Variants in DENND2B observed in about 807,000 individuals in gnomAD.
The protein encoded by DENND2B is DENN domain containing 2B, also known as DENN domain-containing protein 2B.
Under a neutral mutation model 116.0 loss-of-function variants are expected in DENND2B, and 32 were observed. That is an observed-to-expected ratio of 0.28 (90% CI 0.21 to 0.37). The LOEUF (loss-of-function observed/expected upper bound fraction) is 0.37, where lower values mean the gene tolerates loss of function less well. Among genes scored for constraint, DENND2B ranks in the 10% least tolerant of loss-of-function variants. The pLI is 1.00. For synonymous variants in DENND2B, 588 were observed against 583.9 expected, an observed-to-expected ratio of 1.01 and a Z score of -0.10; for missense variants, 1,276 against 1,477.7, an observed-to-expected ratio of 0.86 and a Z score of 2.24.
intron 1 of DENND2B, among the ~76,000 whole-genome samples, chr11:8,897,760 G>A (rs1161165400): frequency 1.3e-5 from 2 of 152,036 alleles, no homozygotes; most frequent in African/African-American, 4.8e-5. Flanking sequence ...AATAAAATTG[G>A]GGCAGACTTG....
chr11:8,698,732 A>G (rs2040915497), intron 16 of DENND2B, among the ~76,000 whole-genome samples: 1 of 152,198 alleles, frequency 6.6e-6, no homozygotes, highest in African/African-American at 2.4e-5. Flanking sequence ...ACTGCCTTCT[A>G]GAAGCTCATG....
rs1032988634 is a variant in DENND2B, at chr11:8,851,662, C to A, written c.-156+5681G>T. Among the ~76,000 whole-genome samples the A allele has an allele frequency of 6.6e-5, 10 of 152,178 alleles. No individual in the cohort carries two copies. In the East Asian group the frequency reaches 1.5e-3, roughly 23 times the overall value. ...AGGAATCCCCAAAATAATCAAGGAA[C>A]TGCACTAAAATATGGGTATAAGGAT... On this transcript the variant is annotated intron_variant, in intron 3 of 6. Coordinates refer to the DENND2B transcript ENST00000524757.
intron 14 of DENND2B, among the ~76,000 whole-genome samples, chr11:8,701,265 C>G (rs1027824729): frequency 1.3e-5 from 2 of 149,890 alleles, no homozygotes; most frequent in African/African-American, 2.5e-5. Flanking sequence ...GCATGGCTGC[C>G]CCGCATATTC....
chr11:8,762,746 A>T (rs537898259), intron 1 of DENND2B, among the ~76,000 whole-genome samples: 28 of 152,146 alleles, frequency 1.8e-4, no homozygotes, highest in African/African-American at 4.3e-4. Context: ...TGTAATCCTA[A>T]CTACTCGGGA....
At chr11:8,900,430 CAA>C (rs3047629) in intron 1 of DENND2B, among the ~76,000 whole-genome samples, 42,459 of 114,502 alleles carry the variant, frequency 0.37, 7,672 homozygotes, top group South Asian at 0.57. Flanking sequence ...GACTCCATCT[CAA>C]AAAAAAAAAA....
chr11:8,718,274 A>G (rs56797102), intron 4 of DENND2B: 55,762 of 1,231,602 alleles, frequency 0.045, 2,281 homozygotes, highest in East Asian at 0.19. Context: ...CACCCCAGAG[A>G]TAACACAGTT....
intron 4 of DENND2B, among the ~76,000 whole-genome samples, chr11:8,824,978 C>T (rs2061922361): frequency 6.6e-6 from 1 of 151,874 alleles, no homozygotes. Flanking sequence ...GAATTACAGG[C>T]ATGAGCCACT....
intron 4 of DENND2B, chr11:8,718,935 T>C (rs2045627352): frequency 1.0e-6 from 1 of 987,476 alleles, no homozygotes; most frequent in Non-Finnish European, 1.2e-6. Flanking sequence ...ATCCGTGGGG[T>C]GAACAGGTCC....
At chr11:8,761,604 G>GT (rs2054640623) in intron 1 of DENND2B, among the ~76,000 whole-genome samples, 1 of 152,020 alleles carries the variant, frequency 6.6e-6, no homozygotes, top group South Asian at 2.1e-4. Context: ...AGTGTCCCTT[G>GT]CCCCCCATTC....
intron 3 of DENND2B, among the ~76,000 whole-genome samples, chr11:8,852,826 T>C (rs2063057133): frequency 6.6e-6 from 1 of 152,180 alleles, no homozygotes; most frequent in Non-Finnish European, 1.5e-5. Context: ...AGCTGCATTC[T>C]GGCAAAAGAG....
intron 3 of DENND2B, among the ~76,000 whole-genome samples, chr11:8,726,624 A>T (rs1350508294): frequency 1.3e-5 from 2 of 152,212 alleles, no homozygotes; most frequent in Non-Finnish European, 2.9e-5. Context: ...TGAGCTCTTA[A>T]CTATAATTTT....
intron 3 of DENND2B, among the ~76,000 whole-genome samples, chr11:8,839,777 G>C (rs1337512077): frequency 3.3e-5 from 5 of 152,176 alleles, no homozygotes; most frequent in African/African-American, 4.8e-5. Context: ...CAACACCTCA[G>C]CTCAAGAAGC....
At chr11:8,894,187 C>T (rs1288533848) in intron 1 of DENND2B, among the ~76,000 whole-genome samples, 1 of 152,138 alleles carries the variant, frequency 6.6e-6, no homozygotes, top group Non-Finnish European at 1.5e-5. Flanking sequence ...GGAAAACTTG[C>T]TAGCCATATG....
chr11:8,721,324 T>C (rs992026221), intron 4 of DENND2B, among the ~76,000 whole-genome samples: 1 of 150,900 alleles, frequency 6.6e-6, no homozygotes, highest in Admixed American at 6.6e-5. Context: ...CTCCTCCCCA[T>C]AACTCCTTTG....
chr11:8,743,129 T>A (rs1202600861), intron 2 of DENND2B, among the ~76,000 whole-genome samples: 1 of 152,172 alleles, frequency 6.6e-6, no homozygotes, highest in African/African-American at 2.4e-5. Context: ...TATGTGTGTG[T>A]GTGTGAGTGT....
At chr11:8,699,457 T>G in intron 14 of DENND2B, 67 bp from the exon 15 acceptor site, 2 of 1,480,856 alleles carry the variant, frequency 1.4e-6, no homozygotes, top group Non-Finnish European at 1.8e-6. Context: ...CGCTGGAGGC[T>G]CAGGACAGCC....
At chr11:8,723,470 G>T (rs988986260) in intron 4 of DENND2B, among the ~76,000 whole-genome samples, 1 of 152,166 alleles carries the variant, frequency 6.6e-6, no homozygotes, top group African/African-American at 2.4e-5. Flanking sequence ...GGCCTTCTTA[G>T]GTCAGGTTTG....
chr11:8,696,586 G>A lies in DENND2B; in HGVS notation c.3133C>T (p.Leu1045=). 1 of 1,614,188 alleles carries A rather than the reference G, an allele frequency of 6.2e-7. No individual in the cohort carries two copies. The highest frequency in any genetic ancestry group is 1.1e-5 in the South Asian group (1 of 91,076). ...VETVGHYSLF[L]TQSEKGERAF... ...CTCTCTCCCTTCTCACTCTGTGTCAGAAAGAGGGAGTAGTGCCCAACGGTC... is the reference window on the plus strand; with the variant it reads ...CTCTCTCCCTTCTCACTCTGTGTCAAAAAGAGGGAGTAGTGCCCAACGGTC... The change falls in exon 18 of 20, where the codon CTG becomes TTG. Residue 1045 remains leucine (L), a synonymous_variant. Transcript: ENST00000313726.
chr11:8,888,900 T>G (rs1455316342), intron 1 of DENND2B, among the ~76,000 whole-genome samples: 1 of 152,056 alleles, frequency 6.6e-6, no homozygotes, highest in African/African-American at 2.4e-5. Flanking sequence ...TGGCTACCAT[T>G]AAGGAAAACA....
Sources: allele counts gnomAD v4.1 joint callset (sites outside exome capture counted in the v4.1 genomes callset), GRCh38; gene constraint gnomAD v4.1.1; transcripts MANE v1.5; gene names NCBI Gene and HGNC (gene_info 2026-07-23, HGNC 2026-07-21).